The following ERBB4 variants were observed in gnomAD, a reference collection of about 807,000 sequenced individuals.
The protein encoded by ERBB4 is erb-b2 receptor tyrosine kinase 4.
ERBB4 carries 42 observed loss-of-function variants against 158.0 expected under a neutral mutation model. That is an observed-to-expected ratio of 0.27 (90% CI 0.21 to 0.34). The LOEUF (loss-of-function observed/expected upper bound fraction) is 0.34, where lower values mean the gene tolerates loss of function less well. Among genes scored for constraint, ERBB4 ranks in the 10% least tolerant of loss-of-function variants. The pLI, the probability that ERBB4 is intolerant of heterozygous loss-of-function variation, is 1.00. For synonymous variants in ERBB4, 583 were observed against 558.7 expected, an observed-to-expected ratio of 1.04 and a Z score of -0.61; for missense variants, 1,333 against 1,624.1, an observed-to-expected ratio of 0.82 and a Z score of 3.08.
At chr2:212,426,217 T>G (rs1436679276) in intron 1 of ERBB4, 1 of 488,998 alleles carries the variant, frequency 2.0e-6, no homozygotes, top group Non-Finnish European at 4.1e-6. Flanking sequence ...GAATAAGTTT[T>G]GAATTGATTT....
At position 211,913,182 on chromosome 2, in the gene ERBB4, A is replaced by G. The variant is rs80009566; in HGVS notation, c.421+34248T>C. Among the ~76,000 whole-genome samples the G allele has an allele frequency of 2.4e-4, 36 of 152,314 alleles. 1 individual carries two copies. The East Asian group carries it at 6.8e-3, about 29-fold the overall frequency. On this transcript the variant is annotated intron_variant, in intron 3 of 27. Coordinates refer to ENST00000342788, the MANE Select transcript of ERBB4 (RefSeq NM_005235.3). ...TTTTCAGAGAACCTTTAGGGGGCTA[A>G]GGGCCTTGGTCCCCACAATATTATC...
At chr2:211,600,195 A>T (rs999660807) in intron 19 of ERBB4, among the ~76,000 whole-genome samples, 4 of 152,216 alleles carry the variant, frequency 2.6e-5, no homozygotes, top group African/African-American at 7.2e-5. Flanking sequence ...GAGCTCTCCT[A>T]GGATTTTTCA....
chr2:211,420,576 G>A lies in ERBB4; in HGVS notation c.3000C>T (p.Asp1000=), dbSNP rs2125403941. ...DDRMKLPSPN[D]SKFFQNLLDE... is the part of the protein sequence containing the mutation. ...CCAAGAGATTCTGAAAGAACTTGCTGTCATTTGGACTGGGAAGCTTCATAC... is the reference window on the plus strand; with the variant it reads ...CCAAGAGATTCTGAAAGAACTTGCTATCATTTGGACTGGGAAGCTTCATAC... The change falls in exon 25 of 28, where the codon GAC becomes GAT. Residue 1000 remains aspartate (D), a synonymous_variant. Transcript: ENST00000342788. The A allele has an allele frequency of 6.2e-7, 1 of 1,612,902 alleles. No individual in the cohort carries two copies. Among genetic ancestry groups the A allele is most frequent in the Non-Finnish European group, 8.5e-7 (1 of 1,179,200 alleles).
At chr2:211,667,089 A>C (rs1258329897) in intron 14 of ERBB4, among the ~76,000 whole-genome samples, 1 of 142,752 alleles carries the variant, frequency 7.0e-6, no homozygotes, top group African/African-American at 2.9e-5. Flanking sequence ...ATGACACCTG[A>C]TGAGCCAAAA....
intron 3 of ERBB4, among the ~76,000 whole-genome samples, chr2:211,888,043 G>A (rs755868016): frequency 1.3e-5 from 2 of 151,920 alleles, no homozygotes; most frequent in African/African-American, 4.8e-5. Context: ...ATTCCCCCAG[G>A]CCAATGCATC....
intron 1 of ERBB4, among the ~76,000 whole-genome samples, chr2:212,369,212 A>G (rs1275717823): frequency 1.3e-5 from 2 of 152,232 alleles, no homozygotes; most frequent in Admixed American, 6.5e-5. Context: ...GATAAATTGC[A>G]TGATTATATA....
chr2:212,123,247 C>CA (rs2079813155), intron 2 of ERBB4, among the ~76,000 whole-genome samples: 1 of 152,118 alleles, frequency 6.6e-6, no homozygotes, highest in African/African-American at 2.4e-5. Context: ...CACTAAAGCA[C>CA]AAAAAATTAG....
chr2:212,527,562 A>T (rs960925491), intron 1 of ERBB4, among the ~76,000 whole-genome samples: 1 of 152,120 alleles, frequency 6.6e-6, no homozygotes, highest in Non-Finnish European at 1.5e-5. Context: ...AGTTTCTAAA[A>T]CAGCTTCAGC....
At chr2:212,316,454 T>C (rs557543817) in intron 1 of ERBB4, among the ~76,000 whole-genome samples, 2 of 151,666 alleles carry the variant, frequency 1.3e-5, no homozygotes, top group African/African-American at 4.8e-5. Context: ...TTCCCCCTTT[T>C]TTCCATCATC....
At position 212,404,109 on chromosome 2, in the gene ERBB4, T is replaced by C. The variant is rs144280159; in HGVS notation, c.82+134340A>G. Among the ~76,000 whole-genome samples the C allele has an allele frequency of 1.8e-3, 270 of 152,058 alleles. 2 individuals are homozygous for C. The highest frequency in any genetic ancestry group is 6.1e-3 in the African/African-American group (254 of 41,520). Reference sequence around the variant, plus strand: ...CTGATTAGTTGAGATGCAAAGTTTATTCACACGAGCCATGAGGGAAGAGAG... The same window carrying C: ...CTGATTAGTTGAGATGCAAAGTTTACTCACACGAGCCATGAGGGAAGAGAG... On this transcript the variant is annotated intron_variant, in intron 1 of 27. Transcript: ENST00000342788.
At chr2:211,945,486 G>C (rs896189262) in intron 3 of ERBB4, among the ~76,000 whole-genome samples, 1 of 150,782 alleles carries the variant, frequency 6.6e-6, no homozygotes. Flanking sequence ...TTTTGAATGA[G>C]TATGTATTTT....
At chr2:212,455,067 C>T (rs1688211143) in intron 1 of ERBB4, among the ~76,000 whole-genome samples, 1 of 152,128 alleles carries the variant, frequency 6.6e-6, no homozygotes, top group Admixed American at 6.6e-5. Context: ...AGAAATTCTC[C>T]ATCTTCCCAC....
chr2:211,424,344 T>G, intron 22 of ERBB4, 43 bp from the exon 23 acceptor site: 4 of 1,466,306 alleles, frequency 2.7e-6, no homozygotes, highest in Non-Finnish European at 3.8e-6. Context: ...ATTAACAACA[T>G]ATGTTGAACA....
intron 1 of ERBB4, among the ~76,000 whole-genome samples, chr2:212,234,317 C>T (rs935267158): frequency 3.9e-5 from 6 of 152,044 alleles, no homozygotes; most frequent in Admixed American, 2.6e-4. Flanking sequence ...TGAACTCATC[C>T]TTTTTTATGG....
intron 2 of ERBB4, among the ~76,000 whole-genome samples, chr2:211,952,858 C>T (rs940880708): frequency 3.3e-5 from 5 of 151,866 alleles, no homozygotes; most frequent in Non-Finnish European, 7.4e-5. Context: ...AGATGAACTG[C>T]CTGCAGACAA....
chr2:212,144,742 G>A (rs1360648973), intron 1 of ERBB4, among the ~76,000 whole-genome samples: 1 of 152,090 alleles, frequency 6.6e-6, no homozygotes, highest in African/African-American at 2.4e-5. Flanking sequence ...TATCATTTCT[G>A]GCTGGGCAGG....
At chr2:211,429,094 A>C (rs1174760437) in intron 21 of ERBB4, among the ~76,000 whole-genome samples, 1 of 152,130 alleles carries the variant, frequency 6.6e-6, no homozygotes, top group African/African-American at 2.4e-5. Flanking sequence ...ATAGTTCTTA[A>C]TTAACATTCA....
At chr2:212,246,976 G>A (rs943768285) in intron 1 of ERBB4, among the ~76,000 whole-genome samples, 3 of 152,076 alleles carry the variant, frequency 2.0e-5, no homozygotes, top group African/African-American at 4.8e-5. Context: ...TGATTTACAA[G>A]TTCTTTCTGG....
rs369933890 is a variant in ERBB4, at chr2:212,528,914, C to G, written c.82+9535G>C. Among the ~76,000 whole-genome samples, 11 of 152,224 alleles carry G rather than the reference C, an allele frequency of 7.2e-5. No homozygotes were observed. The South Asian group carries it at 2.1e-3, about 29-fold the overall frequency. Reference sequence around the variant, plus strand: ...ATGTCTAGTTGTCTATTTTAAGATACTGAGAAATCTTAGCTATAACAAAGT... The same window carrying G: ...ATGTCTAGTTGTCTATTTTAAGATAGTGAGAAATCTTAGCTATAACAAAGT... On this transcript the variant is annotated intron_variant, in intron 1 of 27. Coordinates refer to ENST00000342788, the MANE Select transcript of ERBB4 (RefSeq NM_005235.3).
Sources: gnomAD v4.1 joint callset for allele counts (sites outside exome capture counted in the v4.1 genomes callset) on GRCh38, gnomAD v4.1.1 for gene constraint, MANE v1.5 for transcripts, NCBI Gene and HGNC (gene_info 2026-07-23, HGNC 2026-07-21) for gene names.